The following PTPRQ variants were observed in gnomAD, a reference collection of about 807,000 sequenced individuals.
PTPRQ encodes protein tyrosine phosphatase receptor type Q.
A neutral mutation model predicts 246.0 loss-of-function variants in PTPRQ; 199 were observed. The ratio of observed to expected loss-of-function variants is 0.81; its 90% CI spans 0.72 to 0.91. The LOEUF is 0.91. PTPRQ is among the 40% of genes least tolerant of loss of function. The pLI is 0.00. For missense variants in PTPRQ, 2,624 were observed against 2,528.4 expected (o/e 1.04, Z -0.81); for synonymous variants, 869 against 853.2 (o/e 1.02, Z -0.32).
chr12:80,596,430 T>A (rs1159139870), intron 26 of PTPRQ, among the ~76,000 whole-genome samples: 6 of 152,128 alleles, frequency 3.9e-5, no homozygotes, highest in South Asian at 2.1e-4. Context: ...TGTTTTTTTT[T>A]AAATCATCAA....
intron 35 of PTPRQ, among the ~76,000 whole-genome samples, 182 bp downstream of exon 35, chr12:80,635,255 C>G (rs1223138793): frequency 1.3e-5 from 2 of 152,194 alleles, no homozygotes; most frequent in Non-Finnish European, 2.9e-5. Flanking sequence ...ATCACTTAAT[C>G]TTCCTAATAT....
intron 29 of PTPRQ, 75 bp from the exon 30 acceptor site, chr12:80,616,125 A>T: frequency 1.0e-6 from 1 of 970,096 alleles, no homozygotes; most frequent in Admixed American, 4.2e-5. Context: ...ATATAGATAC[A>T]TGCATATATA....
intron 17 of PTPRQ, among the ~76,000 whole-genome samples, chr12:80,527,445 T>C (rs1202845142): frequency 6.6e-6 from 1 of 152,088 alleles, no homozygotes; most frequent in Non-Finnish European, 1.5e-5. Flanking sequence ...TTGCTCTCCC[T>C]TTGTACAAAA....
chr12:80,465,095 G>A (rs1381149260), intron 6 of PTPRQ: 1 of 130,320 alleles, frequency 7.7e-6, no homozygotes. Context: ...CAACAAAATT[G>A]ACAGACCGCT....
At chr12:80,591,448 A>G (rs977960876) in intron 26 of PTPRQ, among the ~76,000 whole-genome samples, 7 of 152,094 alleles carry the variant, frequency 4.6e-5, no homozygotes, top group African/African-American at 1.7e-4. Flanking sequence ...ATTGTCTAGA[A>G]TAGTTCCCAG....
At chr12:80,461,853 T>C (rs1216528100) in intron 6 of PTPRQ, 1 of 150,862 alleles carries the variant, frequency 6.6e-6, no homozygotes, top group Non-Finnish European at 1.5e-5. Context: ...CTCCTTACTT[T>C]TTATACAATA....
intron 24 of PTPRQ, among the ~76,000 whole-genome samples, chr12:80,547,749 T>C (rs139331357): frequency 1.3e-5 from 2 of 152,218 alleles, no homozygotes; most frequent in African/African-American, 4.8e-5. Context: ...TCTCATAATG[T>C]TGTTGTCAAA....
At chr12:80,572,205 A>G (rs987035807) in intron 25 of PTPRQ, among the ~76,000 whole-genome samples, 3 of 152,016 alleles carry the variant, frequency 2.0e-5, no homozygotes, top group African/African-American at 7.2e-5. Context: ...TATTTCAGTA[A>G]TGTTTTGTGG....
At chr12:80,457,338 AC>A (rs977338617) in intron 3 of PTPRQ, among the ~76,000 whole-genome samples, 4 of 152,186 alleles carry the variant, frequency 2.6e-5, no homozygotes, top group Admixed American at 6.5e-5. Flanking sequence ...TTCCTGTGTG[AC>A]CTTGGGCAAA....
At chr12:80,499,081 G>A (rs1007273844) in intron 14 of PTPRQ, among the ~76,000 whole-genome samples, 3 of 149,886 alleles carry the variant, frequency 2.0e-5, no homozygotes, top group Non-Finnish European at 4.4e-5. Flanking sequence ...GGACCATTTG[G>A]GTAAAAGGAC....
chr12:80,590,495 G>C (rs1176447255), intron 26 of PTPRQ, among the ~76,000 whole-genome samples: 2 of 151,542 alleles, frequency 1.3e-5, no homozygotes, highest in Admixed American at 1.3e-4. Context: ...GTGAAACCCC[G>C]TCTCTACTAA....
At chr12:80,468,976 G>T in intron 7 of PTPRQ, 138 bp downstream of exon 7, 1 of 1,204,026 alleles carries the variant, frequency 8.3e-7, no homozygotes, top group Non-Finnish European at 1.1e-6. Flanking sequence ...AAAGTCATAA[G>T]GAAGGGGAGG....
chr12:80,616,322 A>G (rs1771794146), intron 30 of PTPRQ, 56 bp downstream of exon 30: 2 of 1,418,596 alleles, frequency 1.4e-6, no homozygotes, highest in Middle Eastern at 2.3e-4. Flanking sequence ...TTATAATTTA[A>G]ATTCCATACT....
chr12:80,489,067 C>A (rs989299178), intron 9 of PTPRQ, among the ~76,000 whole-genome samples: 5 of 151,984 alleles, frequency 3.3e-5, no homozygotes, highest in African/African-American at 1.2e-4. Context: ...TTGAAGTATT[C>A]TTTGTTATGG....
chr12:80,600,390 G>A (rs1758008335), intron 26 of PTPRQ, among the ~76,000 whole-genome samples: 1 of 151,676 alleles, frequency 6.6e-6, no homozygotes, highest in South Asian at 2.1e-4. Flanking sequence ...TTCTTTCTGA[G>A]CTGGCATACA....
intron 25 of PTPRQ, among the ~76,000 whole-genome samples, chr12:80,564,586 A>G (rs1338715530): frequency 6.6e-6 from 1 of 152,226 alleles, no homozygotes; most frequent in Non-Finnish European, 1.5e-5. Flanking sequence ...GATGACTGTA[A>G]TGAAATGAAT....
intron 39 of PTPRQ, among the ~76,000 whole-genome samples, chr12:80,660,496 A>G (rs552947763): frequency 6.6e-6 from 1 of 152,162 alleles, no homozygotes; most frequent in African/African-American, 2.4e-5. Flanking sequence ...TCTGCCACCA[A>G]CTGTACAAAT....
At chr12:80,503,462 C>T (rs1053171653) in intron 14 of PTPRQ, among the ~76,000 whole-genome samples, 1 of 151,786 alleles carries the variant, frequency 6.6e-6, no homozygotes, top group Non-Finnish European at 1.5e-5. Context: ...TAACTGGTAA[C>T]AATCAAGGGG....
intron 42 of PTPRQ, among the ~76,000 whole-genome samples, chr12:80,672,895 C>T (rs151058220): frequency 6.6e-6 from 1 of 152,160 alleles, no homozygotes; most frequent in African/African-American, 2.4e-5. Context: ...TTCAACAACA[C>T]ACCCTAAAAT....
Sources: gnomAD v4.1 joint callset for allele counts (sites outside exome capture counted in the v4.1 genomes callset) on GRCh38, gnomAD v4.1.1 for gene constraint, MANE v1.5 for transcripts, NCBI Gene and HGNC (gene_info 2026-07-23, HGNC 2026-07-21) for gene names.